Variants in SNX9 observed in about 807,000 individuals in gnomAD.
The protein encoded by SNX9 is sorting nexin 9, also known as sorting nexin-9.
A neutral mutation model predicts 89.4 loss-of-function variants in SNX9; 44 were observed. The ratio of observed to expected loss-of-function variants is 0.49; its 90% CI spans 0.39 to 0.63. The LOEUF (loss-of-function observed/expected upper bound fraction) is 0.63, where lower values mean the gene tolerates loss of function less well. Ranked by LOEUF, SNX9 falls within the 30% of genes least tolerant of loss-of-function variation. The pLI, the probability that SNX9 is intolerant of heterozygous loss-of-function variation, is 0.00. For missense variants in SNX9, 578 were observed against 736.1 expected, an observed-to-expected ratio of 0.79 and a Z score of 2.49; for synonymous variants, 236 against 247.8, an observed-to-expected ratio of 0.95 and a Z score of 0.45.
At chr6:157,859,060 C>G (rs1165619501) in intron 1 of SNX9, among the ~76,000 whole-genome samples, 1 of 152,162 alleles carries the variant, frequency 6.6e-6, no homozygotes, top group African/African-American at 2.4e-5. Context: ...TTACACATTT[C>G]TTAAGTTTAT....
intron 4 of SNX9, among the ~76,000 whole-genome samples, chr6:157,883,743 T>C (rs946089376): frequency 3.9e-5 from 6 of 152,226 alleles, no homozygotes; most frequent in Non-Finnish European, 8.8e-5. Context: ...CCTTCCATCT[T>C]TCAGAAGCCC....
At chr6:157,941,329 C>A (rs868699305) in intron 17 of SNX9, among the ~76,000 whole-genome samples, 73 of 152,206 alleles carry the variant, frequency 4.8e-4, no homozygotes, top group African/African-American at 1.7e-3. Context: ...CCTGGGACTC[C>A]GTTGGCAGCT....
chr6:157,876,428 G>A (rs1406616814), intron 4 of SNX9, among the ~76,000 whole-genome samples: 1 of 152,208 alleles, frequency 6.6e-6, no homozygotes, highest in Non-Finnish European at 1.5e-5. Context: ...TCCAGCCTGG[G>A]CGAGTGAGAC....
chr6:157,939,242 G>A (rs112256082), intron 16 of SNX9, among the ~76,000 whole-genome samples: 1 of 152,168 alleles, frequency 6.6e-6, no homozygotes, highest in South Asian at 2.1e-4. Context: ...ATGGCACTTG[G>A]ATGGGCAGAG....
chr6:157,914,780 T>G (rs567793753), intron 9 of SNX9, among the ~76,000 whole-genome samples: 1 of 152,272 alleles, frequency 6.6e-6, no homozygotes, highest in Admixed American at 6.5e-5. Context: ...ACTAGCCTTG[T>G]TACTTTCTTA....
intron 1 of SNX9, among the ~76,000 whole-genome samples, chr6:157,835,078 T>G (rs1490640964): frequency 2.0e-5 from 3 of 151,192 alleles, no homozygotes; most frequent in Non-Finnish European, 4.4e-5. Flanking sequence ...AGTGGCATGA[T>G]CTCAGCTCAC....
chr6:157,871,649 C>T (rs1302178836), intron 2 of SNX9, among the ~76,000 whole-genome samples: 1 of 151,842 alleles, frequency 6.6e-6, no homozygotes, highest in East Asian at 1.9e-4. Flanking sequence ...GCACGTTGTG[C>T]ACATGTACCC....
chr6:157,886,746 A>C (rs1451543512), intron 4 of SNX9, among the ~76,000 whole-genome samples: 1 of 152,228 alleles, frequency 6.6e-6, no homozygotes, highest in Non-Finnish European at 1.5e-5. Context: ...GCCATGTTTC[A>C]AAGTAAGAAG....
Position 157,901,963 on chromosome 6 carries a change from G to T in SNX9, c.538G>T (p.Asp180Tyr), listed in dbSNP as rs61748681. ...DGPKSSSYFKDSESADAGGAQ... is the reference protein window; with the variant it reads ...DGPKSSSYFKYSESADAGGAQ... ...GCCCAAATCCTCTTCCTACTTTAAG[G>T]ATTCAGAGTCAGCTGATGCAGGCGG... is the stretch of plus-strand genomic sequence containing the variant. The change falls in exon 6 of 18, where the codon GAT becomes TAT. Residue 180 changes from aspartate (D) to tyrosine (Y), a missense_variant. Asp to Tyr is a radical substitution (Grantham distance 160, BLOSUM62 -3). Coordinates refer to ENST00000392185, the MANE Select transcript of SNX9 (RefSeq NM_016224.5). 2 of 1,613,358 alleles carry T rather than the reference G, an allele frequency of 1.2e-6. No individual in the cohort carries two copies. The highest frequency in any genetic ancestry group is 1.1e-5 in the South Asian group (1 of 91,062).
intron 10 of SNX9, 73 bp downstream of exon 10, chr6:157,921,734 A>G (rs1443225400): frequency 6.7e-7 from 1 of 1,500,452 alleles, no homozygotes; most frequent in African/African-American, 1.4e-5. Context: ...TATTTCTGAA[A>G]GGAGTTAAAA....
At position 157,928,454 on chromosome 6, in the gene SNX9, C is replaced by A. The variant is rs1196817596; in HGVS notation, c.1185-145C>A. ...TAAGTAGTTCTTTAAATGTCTGCAT[C>A]AAGCCTGTATTTAAGGCTAACTTAG... is the stretch of plus-strand genomic sequence containing the variant. On this transcript the variant is annotated intron_variant, in intron 11 of 17. Transcript: ENST00000392185. The A allele has an allele frequency of 4.9e-6, 3 of 609,792 alleles. No individual in the cohort carries two copies. The East Asian group carries it at 9.4e-5, about 19-fold the overall frequency. 37.8% of individuals were successfully genotyped at this position (609,792 alleles called of 1,614,324 possible). A position where few individuals can be genotyped will look rare whatever the true frequency, so the allele number is the denominator to read the frequency against.
intron 1 of SNX9, among the ~76,000 whole-genome samples, chr6:157,827,862 C>CTTTTT (rs67464115): frequency 2.2e-5 from 3 of 133,934 alleles, no homozygotes; most frequent in Admixed American, 1.5e-4. Context: ...GTTCCTGATG[C>CTTTTT]TTTTTTTTTT....
At chr6:157,825,896 A>G (rs984890900) in intron 1 of SNX9, among the ~76,000 whole-genome samples, 1 of 152,164 alleles carries the variant, frequency 6.6e-6, no homozygotes, top group Admixed American at 6.5e-5. Context: ...GAATGTGCTT[A>G]GTAGTAATGA....
chr6:157,872,252 A>G (rs894477068), intron 2 of SNX9, among the ~76,000 whole-genome samples: 31 of 152,200 alleles, frequency 2.0e-4, no homozygotes, highest in Non-Finnish European at 1.0e-4. Flanking sequence ...ATTCTGAATA[A>G]AAGTTACAAT....
chr6:157,865,077 C>T (rs538156471), intron 1 of SNX9, among the ~76,000 whole-genome samples: 13 of 152,180 alleles, frequency 8.5e-5, no homozygotes, highest in South Asian at 2.1e-4. Context: ...TGGTGGCTCA[C>T]GCCTGTAATC....
At chr6:157,915,332 C>G (rs1426206806) in intron 9 of SNX9, among the ~76,000 whole-genome samples, 3 of 151,976 alleles carry the variant, frequency 2.0e-5, no homozygotes, top group African/African-American at 7.3e-5. Flanking sequence ...TATAATCATG[C>G]TGGAATTTTT....
At chr6:157,828,991 A>C (rs1300502178) in intron 1 of SNX9, among the ~76,000 whole-genome samples, 1 of 152,138 alleles carries the variant, frequency 6.6e-6, no homozygotes, top group African/African-American at 2.4e-5. Context: ...AAAGAGCAAA[A>C]ATATATTCTA....
intron 12 of SNX9, among the ~76,000 whole-genome samples, chr6:157,929,280 C>A: frequency 6.6e-6 from 1 of 152,176 alleles, no homozygotes; most frequent in Admixed American, 6.5e-5. Context: ...TAGAACTGTG[C>A]AGCTCTGTCA....
intron 5 of SNX9, among the ~76,000 whole-genome samples, chr6:157,898,118 C>T (rs546708044): frequency 2.0e-4 from 31 of 152,314 alleles, no homozygotes; most frequent in African/African-American, 6.5e-4. Context: ...GAACTAGGGA[C>T]GCAGACCAGA....
Sources: allele counts gnomAD v4.1 joint callset (sites outside exome capture counted in the v4.1 genomes callset), GRCh38; gene constraint gnomAD v4.1.1; transcripts MANE v1.5; gene names NCBI Gene and HGNC (gene_info 2026-07-23, HGNC 2026-07-21).